Variants in CCNB3 observed in about 807,000 individuals in gnomAD.
CCNB3 encodes the protein cyclin B3.
CCNB3 carries 12 observed loss-of-function variants against 68.0 expected under a neutral mutation model. The ratio of observed to expected loss-of-function variants is 0.18; its 90% CI spans 0.11 to 0.29. The LOEUF is 0.29. Among genes scored for constraint, CCNB3 ranks in the 10% least tolerant of loss-of-function variants. CCNB3 has a pLI of 1.00. For missense variants in CCNB3, 904 were observed against 993.1 expected (o/e 0.91, Z 1.21); for synonymous variants, 354 against 388.9 (o/e 0.91, Z 1.06).
rs921584102 is a variant in CCNB3 at position 50,225,980 on chromosome X, A to G, written c.-113+21030A>G. Among the ~76,000 whole-genome samples, 23 of 92,304 alleles carry G rather than the reference A, an allele frequency of 2.5e-4. 1 individual carries two copies. In the Admixed American group the frequency reaches 2.7e-3, roughly 11 times the overall value. 80.2% of individuals were successfully genotyped at this position (92,304 alleles called of 115,157 possible). A position where few individuals can be genotyped will look rare whatever the true frequency, so the allele number is the denominator to read the frequency against. On this transcript the variant is annotated intron_variant, in intron 1 of 12. Coordinates refer to ENST00000376042, the MANE Select transcript of CCNB3 (RefSeq NM_033031.3). ...AAAAGACAAGAGGACCTGGGATCAT[A>G]TATATAGAATGTATATATAAATATA...
intron 4 of CCNB3, among the ~76,000 whole-genome samples, chrX:50,294,640 C>G (rs1392832755): frequency 9.0e-6 from 1 of 111,587 alleles, no homozygotes; most frequent in Admixed American, 9.5e-5. Flanking sequence ...CCAACACATA[C>G]CAGTACTACT....
chrX:50,314,057 T>C, intron 8 of CCNB3, 109 bp downstream of exon 8: 1 of 513,389 alleles, frequency 1.9e-6, no homozygotes, highest in East Asian at 3.5e-5. Context: ...TTGAATAAGC[T>C]GTGGTTCCTG....
chrX:50,226,571 A>G (rs1156273202), intron 1 of CCNB3, among the ~76,000 whole-genome samples: 8 of 79,049 alleles, frequency 1.0e-4, no homozygotes, highest in Non-Finnish European at 1.3e-4. Context: ...ATATAAATAT[A>G]TATAGAATAC....
upstream of CCNB3, among the ~76,000 whole-genome samples, chrX:50,203,856 G>A (rs1244214221): frequency 1.8e-5 from 2 of 111,471 alleles, no homozygotes; most frequent in Admixed American, 9.5e-5. Context: ...ATAACCTTGC[G>A]GTAGAAAATG....
chrX:50,342,155 TG>T (rs782646348), intron 8 of CCNB3, 46 bp from the exon 9 acceptor site: 1 of 1,207,096 alleles, frequency 8.3e-7, no homozygotes, highest in Non-Finnish European at 1.1e-6. Context: ...GAGGCGACTT[TG>T]GAGCTGGACA....
chrX:50,316,986 A>G (rs543322178), intron 8 of CCNB3, among the ~76,000 whole-genome samples: 1 of 112,444 alleles, frequency 8.9e-6, no homozygotes. Context: ...GACATATGGT[A>G]AGTGTATGTT....
intron 8 of CCNB3, among the ~76,000 whole-genome samples, chrX:50,325,515 T>C (rs1922248515): frequency 1.8e-5 from 2 of 112,331 alleles, no homozygotes; most frequent in African/African-American, 6.5e-5. Context: ...GAGTTCTGAT[T>C]GGTTGATACA....
intron 4 of CCNB3, among the ~76,000 whole-genome samples, chrX:50,291,735 C>T (rs1557210131): frequency 9.0e-6 from 1 of 111,579 alleles, no homozygotes; most frequent in African/African-American, 3.3e-5. Flanking sequence ...GAATGCACCT[C>T]TTTTCCCATT....
intron 8 of CCNB3, among the ~76,000 whole-genome samples, chrX:50,337,402 A>G (rs782501133): frequency 6.3e-4 from 70 of 110,584 alleles, no homozygotes; most frequent in Non-Finnish European, 1.0e-3. Context: ...TCCCTTTGCT[A>G]CTAGTACTGC....
chrX:50,325,551 C>G (rs1174765674), intron 8 of CCNB3, among the ~76,000 whole-genome samples: 3 of 112,144 alleles, frequency 2.7e-5, no homozygotes, highest in Non-Finnish European at 3.8e-5. Context: ...GCTGGTACAG[C>G]TGAACCCTGA....
intron 4 of CCNB3, among the ~76,000 whole-genome samples, chrX:50,292,492 A>G (rs1380346311): frequency 1.8e-5 from 2 of 111,573 alleles, no homozygotes; most frequent in Non-Finnish European, 3.8e-5. Flanking sequence ...TTCTCAAAGT[A>G]TATCTGGAGG....
At chrX:50,313,792 T>TC in intron 7 of CCNB3, 64 bp from the exon 8 acceptor site, 1 of 825,740 alleles carries the variant, frequency 1.2e-6, no homozygotes. Context: ...AGTTAATTGT[T>TC]AAGTTACAAT....
intron 1 of CCNB3, among the ~76,000 whole-genome samples, chrX:50,280,233 G>GAATATAGATATAAATATCTA (rs1936109540): frequency 1.5e-4 from 5 of 33,527 alleles, no homozygotes; most frequent in African/African-American, 5.4e-4. Context: ...ATAAATATAT[G>GAATATAGATATAAATATCTA]TATAGAATAT....
At chrX:50,224,650 C>T (rs1044569430) in intron 1 of CCNB3, among the ~76,000 whole-genome samples, 17 of 111,609 alleles carry the variant, frequency 1.5e-4, no homozygotes, top group Non-Finnish European at 2.8e-4. Flanking sequence ...TAAAGACTTA[C>T]GGTGACTTGT....
At chrX:50,280,073 A>T (rs1386043910) in intron 1 of CCNB3, among the ~76,000 whole-genome samples, 1 of 34,377 alleles carries the variant, frequency 2.9e-5, no homozygotes, top group African/African-American at 9.2e-5. Flanking sequence ...GGAATATATA[A>T]ATATATATAT....
chrX:50,319,410 G>A (rs1557216267), intron 8 of CCNB3, among the ~76,000 whole-genome samples: 1 of 110,945 alleles, frequency 9.0e-6, no homozygotes, highest in Admixed American at 9.6e-5. Flanking sequence ...TTTAAATTTA[G>A]CTTTCTATTT....
intron 5 of CCNB3, among the ~76,000 whole-genome samples, chrX:50,298,247 A>T (rs1474883193): frequency 1.8e-5 from 2 of 111,785 alleles, no homozygotes; most frequent in Non-Finnish European, 3.8e-5. Flanking sequence ...TTGTCCATTC[A>T]GTATGATATT....
chrX:50,308,620 G>A lies in CCNB3; in HGVS notation c.451G>A (p.Ala151Thr). ...CTCCAAAACACCCAACACTGAGGAG[G>A]CATCTCTCTTCAGAAAGCCATTAGT... is the stretch of plus-strand genomic sequence containing the variant. Reference protein sequence around the residue: ...TTSKTPNTEEASLFRKPLVLK... With the variant: ...TTSKTPNTEETSLFRKPLVLK... Residue 151 changes from alanine (A) to threonine (T), a missense_variant, in exon 6 of 13, where the codon GCA becomes ACA. Around this residue, in one of 2 missense-constraint regions of CCNB3, gnomAD observed 619 missense variants for 609.8 expected, o/e 1.02. Coordinates refer to ENST00000376042, the MANE Select transcript of CCNB3 (RefSeq NM_033031.3). 1 of 1,205,845 alleles carries A rather than the reference G, an allele frequency of 8.3e-7. No homozygotes were observed. Among genetic ancestry groups the A allele is most frequent in the Non-Finnish European group, 1.1e-6 (1 of 890,335 alleles).
chrX:50,280,021 A>AAT (rs1207765337), intron 1 of CCNB3, among the ~76,000 whole-genome samples: 1 of 86,194 alleles, frequency 1.2e-5, no homozygotes, highest in Non-Finnish European at 2.1e-5. Flanking sequence ...AAATATATAG[A>AAT]ATATATATAA....
Sources: gnomAD v4.1 joint callset for allele counts (sites outside exome capture counted in the v4.1 genomes callset) on GRCh38, gnomAD v4.1.1 for gene constraint, gnomAD v4.1.1 regional missense constraint, MANE v1.5 for transcripts, NCBI Gene and HGNC (gene_info 2026-07-23, HGNC 2026-07-21) for gene names.